Variants in ARMCX1 observed in about 807,000 individuals in gnomAD.
ARMCX1 encodes the protein armadillo repeat-containing X-linked protein 1.
Under a neutral mutation model 15.4 loss-of-function variants are expected in ARMCX1, and 4 were observed. That is an observed-to-expected ratio of 0.26 (90% CI 0.13 to 0.59). ARMCX1 has a LOEUF of 0.59. Ranked by LOEUF, ARMCX1 falls within the 20% of genes least tolerant of loss-of-function variation. ARMCX1 has a pLI of 0.89. For missense variants in ARMCX1, 273 were observed against 337.1 expected, an observed-to-expected ratio of 0.81 and a Z score of 1.49; for synonymous variants, 144 against 130.5, an observed-to-expected ratio of 1.10 and a Z score of -0.71.
Position 101,552,988 on chromosome X carries a change from G to T in ARMCX1, c.58G>T (p.Ala20Ser), listed in dbSNP as rs782602379. ...VAAGVVIGAG[A>S]CYCVYRLAWG... Reference sequence around the variant, plus strand: ...CGCTGGTGTGGTTATCGGGGCTGGTGCCTGCTACTGTGTATACAGACTGGC... The same window carrying T: ...CGCTGGTGTGGTTATCGGGGCTGGTTCCTGCTACTGTGTATACAGACTGGC... The change falls in exon 4 of 4, where the codon GCC becomes TCC. Residue 20 changes from alanine to serine, a missense_variant. Coordinates refer to ENST00000372829, the MANE Select transcript of ARMCX1 (RefSeq NM_016608.2). The T allele has an allele frequency of 8.3e-7, 1 of 1,210,131 alleles. No individual in the cohort carries two copies. The highest frequency in any genetic ancestry group is 1.1e-6 in the Non-Finnish European group (1 of 895,294).
In ARMCX1 at chrX:101,550,672, G is replaced by A. The variant is rs1394442252; in HGVS notation, c.-242+12G>A. 8.9e-6 allele frequency: 1 copy of A among 112,572 alleles called. No homozygotes were observed. Among genetic ancestry groups the A allele is most frequent in the East Asian group, 2.8e-4 (1 of 3,573 alleles). The allele number at this position is 112,572 out of a possible 1,213,427, so 9.3% of individuals were successfully genotyped here. On this transcript the variant is annotated intron_variant, in intron 1 of 3. Transcript: ENST00000372829. The stretch of plus-strand genomic sequence containing the variant: ...CTGGATCCCAGCAGGTTTGTGTGTG[G>A]ATGGGCGTTGCCAGGGGATCCCTGC...
Position 101,552,905 on chromosome X carries a change from G to A in ARMCX1, c.-26G>A. On this transcript the variant is annotated 5_prime_UTR_variant, in exon 4 of 4. Coordinates refer to ENST00000372829, the MANE Select transcript of ARMCX1 (RefSeq NM_016608.2). Reference sequence around the variant, plus strand: ...CAGAGCGAGCCTGTTTTGTGCTCGGGTTAAGAGATTTGTCCCAGCTATACC... The same window carrying A: ...CAGAGCGAGCCTGTTTTGTGCTCGGATTAAGAGATTTGTCCCAGCTATACC... The A allele has an allele frequency of 8.4e-7, 1 of 1,193,843 alleles. No homozygotes were observed. The highest frequency in any genetic ancestry group is 1.1e-6 in the Non-Finnish European group (1 of 886,179).
Position 101,554,298 on chromosome X carries a change from A to G in ARMCX1, c.*6A>G, listed in dbSNP as rs1935412872. ...AAGTATTAACCAAACTCTAATTTGG[A>G]GTCTGTCCCAAACAATATTGAGATA... On this transcript the variant is annotated 3_prime_UTR_variant, in exon 4 of 4. Coordinates refer to ENST00000372829, the MANE Select transcript of ARMCX1 (RefSeq NM_016608.2). The G allele has an allele frequency of 8.6e-7, 1 of 1,166,408 alleles. No homozygotes were observed. Among genetic ancestry groups the G allele is most frequent in the African/African-American group, 1.8e-5 (1 of 55,802 alleles).
rs782792355 is a variant in ARMCX1, at chrX:101,552,964, G to A, written c.34G>A (p.Ala12Thr). The change falls in exon 4 of 4, where the codon GCT becomes ACT. Residue 12 changes from alanine to threonine, a missense_variant. By Grantham distance (58) the Ala-to-Thr change is moderately conservative. Around this residue, in one of 2 missense-constraint regions of ARMCX1, gnomAD observed 147 missense variants for 143.5 expected, o/e 1.02. Transcript: ENST00000372829. ...CACTCGGGAAGCTGGCTGCGTGGCC[G>A]CTGGTGTGGTTATCGGGGCTGGTGC... is the stretch of plus-strand genomic sequence containing the variant. Reference protein sequence around the residue: ...GRTREAGCVAAGVVIGAGACY... With the variant: ...GRTREAGCVATGVVIGAGACY... 1.7e-6 allele frequency: 2 copies of A among 1,211,266 alleles called. No individual in the cohort carries two copies. The highest frequency in any genetic ancestry group is 2.2e-6 in the Non-Finnish European group (2 of 895,218).
chrX:101,552,902 C>T lies in ARMCX1; in HGVS notation c.-29C>T. 3.4e-6 allele frequency: 4 copies of T among 1,184,752 alleles called. No individual in the cohort carries two copies. The highest frequency in any genetic ancestry group is 4.5e-6 in the Non-Finnish European group (4 of 881,305). On this transcript the variant is annotated 5_prime_UTR_variant, in exon 4 of 4. Coordinates refer to ENST00000372829, the MANE Select transcript of ARMCX1 (RefSeq NM_016608.2). ...GGCCAGAGCGAGCCTGTTTTGTGCT[C>T]GGGTTAAGAGATTTGTCCCAGCTAT...
chrX:101,552,963 C>T lies in ARMCX1; in HGVS notation c.33C>T (p.Ala11=), dbSNP rs782265297. 3.3e-6 allele frequency: 4 copies of T among 1,210,887 alleles called. No individual in the cohort carries two copies. The South Asian group carries it at 5.3e-5, about 16-fold the overall frequency. ...GCACTCGGGAAGCTGGCTGCGTGGC[C>T]GCTGGTGTGGTTATCGGGGCTGGTG... MGRTREAGCV[A]AGVVIGAGAC... Residue 11 remains alanine (A), a synonymous_variant, in exon 4 of 4, where the codon GCC becomes GCT. Coordinates refer to ENST00000372829, the MANE Select transcript of ARMCX1 (RefSeq NM_016608.2).
rs145291885 is a variant in ARMCX1 at position 101,554,181 on chromosome X, T to G, written c.1251T>G (p.Leu417=). The G allele has an allele frequency of 4.6e-5, 56 of 1,208,824 alleles. No homozygotes were observed. Among genetic ancestry groups the G allele is most frequent in the African/African-American group, 7.0e-5 (4 of 57,163 alleles). The change falls in exon 4 of 4, where the codon CTT becomes CTG. Residue 417 remains leucine (L), a synonymous_variant. Transcript: ENST00000372829. Reference sequence around the variant, plus strand: ...GGAAAGAATTCAGCAGAAGTTCACTTTTTTTCTTATTCAAAGAGTCTGGAG... The same window carrying G: ...GGAAAGAATTCAGCAGAAGTTCACTGTTTTTCTTATTCAAAGAGTCTGGAG... ...SSRKEFSRSS[L]FFLFKESGVC... is the part of the protein sequence containing the mutation.
chrX:101,554,104 C>G lies in ARMCX1; in HGVS notation c.1174C>G (p.Leu392Val). 8.3e-7 allele frequency: 1 copy of G among 1,208,206 alleles called. No homozygotes were observed. The highest frequency in any genetic ancestry group is 1.1e-6 in the Non-Finnish European group (1 of 893,545). The part of the protein sequence containing the change: ...DREILLNILT[L>V]FENINDNIKN... ...AGAGATTCTTCTTAATATCCTTACC[C>G]TATTTGAGAATATAAATGACAACAT... Residue 392 changes from leucine to valine, a missense_variant, in exon 4 of 4, where the codon CTA becomes GTA. Leu to Val is a conservative substitution (Grantham distance 32). Coordinates refer to ENST00000372829, the MANE Select transcript of ARMCX1 (RefSeq NM_016608.2).
At chrX:101,550,702 C>G (rs1273682810) in intron 1 of ARMCX1, 42 bp downstream of exon 1, 3 of 112,150 alleles carry the variant, frequency 2.7e-5, no homozygotes, top group Non-Finnish European at 5.6e-5. Context: ...CCCTGCGGCG[C>G]GGGCAGTGAA....
chrX:101,554,432 A>C lies in ARMCX1; in HGVS notation c.*140A>C. The C allele has an allele frequency of 1.7e-6, 1 of 601,328 alleles. No individual in the cohort carries two copies. Among genetic ancestry groups the C allele is most frequent in the Non-Finnish European group, 2.5e-6 (1 of 405,182 alleles). The allele number at this position is 601,328 out of a possible 1,213,427, so 49.6% of individuals were successfully genotyped here. ...TGGAATAATGACTATCATATATCAT[A>C]ACAGTGACTGATGTTGGTTGTAATG... On this transcript the variant is annotated 3_prime_UTR_variant, in exon 4 of 4. Coordinates refer to ENST00000372829, the MANE Select transcript of ARMCX1 (RefSeq NM_016608.2).
rs150448743 is a variant in ARMCX1 at position 101,553,053 on chromosome X, C to G, written c.123C>G (p.Asp41Glu). ...RDENEKIWDE[D>E]EESTDTSEIG... ...AGAACGAGAAAATCTGGGACGAAGA[C>G]GAGGAGTCTACGGACACCTCAGAGA... Residue 41 changes from aspartate (D) to glutamate (E), a missense_variant, in exon 4 of 4, where the codon GAC (aspartate) becomes GAG (glutamate). By Grantham distance (45) the Asp-to-Glu change is conservative. Coordinates refer to ENST00000372829, the MANE Select transcript of ARMCX1 (RefSeq NM_016608.2). The G allele has an allele frequency of 9.9e-6, 12 of 1,209,643 alleles. No individual in the cohort carries two copies. Among genetic ancestry groups the G allele is most frequent in the Non-Finnish European group, 1.3e-5 (12 of 895,185 alleles).
In ARMCX1 at chrX:101,553,026, C is replaced by A. The variant is rs782411889; in HGVS notation, c.96C>A (p.Asp32Glu). The part of the protein sequence containing the change: ...YCVYRLAWGR[D>E]ENEKIWDEDE... The stretch of plus-strand genomic sequence containing the variant: ...TATACAGACTGGCTTGGGGAAGAGA[C>A]GAGAACGAGAAAATCTGGGACGAAG... The change falls in exon 4 of 4, where the codon GAC (aspartate) becomes GAA (glutamate). Residue 32 changes from aspartate (D) to glutamate (E), a missense_variant. Coordinates refer to ENST00000372829, the MANE Select transcript of ARMCX1 (RefSeq NM_016608.2). The A allele has an allele frequency of 8.0e-5, 97 of 1,209,545 alleles. No individual in the cohort carries two copies. The highest frequency in any genetic ancestry group is 1.1e-4 in the Admixed American group (5 of 45,699).
Position 101,553,541 on chromosome X carries a change from C to T in ARMCX1, c.611C>T (p.Ala204Val). ...FPYKIDDILS[A>V]PDLQKVLNIL... ...TATAAAATTGATGATATTCTGAGTG[C>T]TCCCGACCTCCAAAAGGTCCTCAAC... The change falls in exon 4 of 4, where the codon GCT (alanine) becomes GTT (valine). Residue 204 changes from alanine (A) to valine (V), a missense_variant. Ala to Val is a moderately conservative substitution (Grantham distance 64). Around this residue, in one of 2 missense-constraint regions of ARMCX1, gnomAD observed 126 missense variants for 193.6 expected, o/e 0.65. Coordinates refer to ENST00000372829, the MANE Select transcript of ARMCX1 (RefSeq NM_016608.2). 8.3e-7 allele frequency: 1 copy of T among 1,211,698 alleles called. No homozygotes were observed. Among genetic ancestry groups the T allele is most frequent in the South Asian group, 1.8e-5 (1 of 56,969 alleles).
rs781928878 is a variant in ARMCX1, at chrX:101,553,301, G to A, written c.371G>A (p.Gly124Asp). Residue 124 changes from glycine to aspartate, a missense_variant, in exon 4 of 4, where the codon GGC becomes GAC. Gly to Asp is a moderately conservative substitution (Grantham distance 94). Transcript: ENST00000372829. ...TLKEQASAKA[G>D]KGARVGTISG... ...AAGGAACAGGCAAGTGCAAAGGCAG[G>A]CAAAGGGGCTAGGGTGGGTACCATC... 1 of 1,211,007 alleles carries A rather than the reference G, an allele frequency of 8.3e-7. No individual in the cohort carries two copies. The highest frequency in any genetic ancestry group is 1.1e-6 in the Non-Finnish European group (1 of 895,139).
In ARMCX1 at chrX:101,553,601, A is replaced by C. The variant is rs782019553; in HGVS notation, c.671A>C (p.Glu224Ala). The change falls in exon 4 of 4, where the codon GAA becomes GCA. Residue 224 changes from glutamate (E) to alanine (A), a missense_variant. This residue lies in a region of ARMCX1 where 126 missense variants were observed against 193.6 expected (regional missense o/e 0.65). Coordinates refer to ENST00000372829, the MANE Select transcript of ARMCX1 (RefSeq NM_016608.2). ...LERTNDPFIQ[E>A]VALVTLGNNA... ...CGAACAAATGATCCTTTTATTCAAG[A>C]AGTAGCCTTGGTCACTCTGGGTAAC... 13 of 1,210,067 alleles carry C rather than the reference A, an allele frequency of 1.1e-5. No homozygotes were observed. Among genetic ancestry groups the C allele is most frequent in the Non-Finnish European group, 1.3e-5 (12 of 895,059 alleles).
Position 101,554,061 on chromosome X carries a change from T to C in ARMCX1, c.1131T>C (p.Phe377=). The change falls in exon 4 of 4, where the codon TTT becomes TTC. Residue 377 remains phenylalanine (F), a synonymous_variant. Transcript: ENST00000372829. ...TACCATCAGAATTGATTTCCCTCTT[T>C]AATAAAGAATGGGATAGAGAGATTC... ...CKVPSELISL[F]NKEWDREILL... 1 of 1,209,956 alleles carries C rather than the reference T, an allele frequency of 8.3e-7. No individual in the cohort carries two copies. The highest frequency in any genetic ancestry group is 1.1e-6 in the Non-Finnish European group (1 of 893,940).
At position 101,551,282 on chromosome X, in the gene ARMCX1, C is replaced by G. The variant is rs181833713; in HGVS notation, c.-188+258C>G. On this transcript the variant is annotated intron_variant, in intron 2 of 3. Transcript: ENST00000372829. ...TTCCATATCCCCCCTCGCCCCGCCC[C>G]GCTTCCAGTGGTTTGAAAGGGGTGT... 4.6e-3 allele frequency among the ~76,000 whole-genome samples: 505 copies of G among 109,899 alleles called. 5 individuals carry two copies. Among genetic ancestry groups the G allele is most frequent in the African/African-American group, 0.016 (492 of 30,151 alleles).
chrX:101,553,185 G>A lies in ARMCX1; in HGVS notation c.255G>A (p.Glu85=), dbSNP rs367652039. The change falls in exon 4 of 4, where the codon GAG becomes GAA. Residue 85 remains glutamate, a synonymous_variant. Coordinates refer to ENST00000372829, the MANE Select transcript of ARMCX1 (RefSeq NM_016608.2). ...EVKPEVSLGL[E]DCPGVKEKAH... ...AGCCTGAGGTGAGTTTGGGACTCGA[G>A]GATTGTCCGGGTGTAAAAGAGAAGG... is the stretch of plus-strand genomic sequence containing the variant. 14 of 1,210,427 alleles carry A rather than the reference G, an allele frequency of 1.2e-5. No individual in the cohort carries two copies. The highest frequency in any genetic ancestry group is 1.6e-5 in the Non-Finnish European group (14 of 895,312).
At chrX:101,551,700 G>A (rs1302512112) in intron 3 of ARMCX1, 67 bp downstream of exon 3, 3 of 110,440 alleles carry the variant, frequency 2.7e-5, no homozygotes, top group African/African-American at 9.9e-5. Flanking sequence ...AACTCGAATG[G>A]GCCCGTGGAC....
Sources: allele counts gnomAD v4.1 joint callset (sites outside exome capture counted in the v4.1 genomes callset), GRCh38; gene constraint gnomAD v4.1.1; regional missense constraint gnomAD v4.1.1; transcripts MANE v1.5; gene names NCBI Gene and HGNC (gene_info 2026-07-23, HGNC 2026-07-21).